Variants in ALPL observed in about 807,000 individuals in gnomAD.
ALPL encodes alkaline phosphatase, tissue-nonspecific isozyme.
ALPL carries 42 observed loss-of-function variants against 51.3 expected under a neutral mutation model. The ratio of observed to expected loss-of-function variants is 0.82; its 90% CI spans 0.64 to 1.06. ALPL has a LOEUF of 1.06. Among genes scored for constraint, ALPL ranks in the 50% least tolerant of loss-of-function variants. ALPL has a pLI of 0.00. For synonymous variants in ALPL, 279 were observed against 296.4 expected (o/e 0.94, Z 0.60); for missense variants, 589 against 709.4 (o/e 0.83, Z 1.93).
chr1:21,527,043 C>CTTTTCTTTTCT (rs760115642), intron 1 of ALPL, among the ~76,000 whole-genome samples: 1 of 135,590 alleles, frequency 7.4e-6, no homozygotes, highest in Admixed American at 7.8e-5. Context: ...CTTTTCTTTT[C>CTTTTCTTTTCT]TTTCTTGAGA....
In ALPL at chr1:21,554,003, C is replaced by T; in HGVS notation, c.-79C>T. 1 of 1,149,262 alleles carries T rather than the reference C, an allele frequency of 8.7e-7. No individual in the cohort carries two copies. Among genetic ancestry groups the T allele is most frequent in the Admixed American group, 1.7e-5 (1 of 59,314 alleles). 71.2% of individuals were successfully genotyped at this position (1,149,262 alleles called of 1,614,324 possible). Reference sequence around the variant, plus strand: ...GATTGGAACATCAGTTAACATCTGACCACTGCCAGCCCACCCCCTCCCACC... The same window carrying T: ...GATTGGAACATCAGTTAACATCTGATCACTGCCAGCCCACCCCCTCCCACC... On this transcript the variant is annotated 5_prime_UTR_variant, in exon 2 of 12. Coordinates refer to ENST00000374840, the MANE Select transcript of ALPL (RefSeq NM_000478.6).
At chr1:21,539,902 C>T (rs1277037104) in intron 1 of ALPL, among the ~76,000 whole-genome samples, 1 of 152,174 alleles carries the variant, frequency 6.6e-6, no homozygotes, top group African/African-American at 2.4e-5. Context: ...GTGATCTGCC[C>T]ACCTCTGCCT....
At chr1:21,538,312 T>A (rs1644136561) in intron 1 of ALPL, among the ~76,000 whole-genome samples, 1 of 152,156 alleles carries the variant, frequency 6.6e-6, no homozygotes, top group Non-Finnish European at 1.5e-5. Context: ...AGCCCTGCCC[T>A]ACTATGTCCC....
In ALPL at chr1:21,538,484, C is replaced by T. The variant is rs543225483; in HGVS notation, c.-104-15494C>T. Among the ~76,000 whole-genome samples the T allele has an allele frequency of 2.6e-5, 4 of 152,328 alleles. No individual in the cohort carries two copies. The East Asian group carries it at 7.7e-4, about 29-fold the overall frequency. On this transcript the variant is annotated intron_variant, in intron 1 of 11. Coordinates refer to ENST00000374840, the MANE Select transcript of ALPL (RefSeq NM_000478.6). The stretch of plus-strand genomic sequence containing the variant: ...TTCCTCCTCTGATCTGAGCCCTCTG[C>T]GCCCGCCACCCAGGGATTCGGCTTG...
chr1:21,570,935 T>C (rs934468527), intron 8 of ALPL, among the ~76,000 whole-genome samples: 4 of 152,234 alleles, frequency 2.6e-5, no homozygotes, highest in African/African-American at 9.6e-5. Flanking sequence ...AAGCAAGTGG[T>C]GGCAAAATCT....
intron 1 of ALPL, among the ~76,000 whole-genome samples, chr1:21,512,769 A>G (rs543047419): frequency 1.3e-5 from 2 of 151,812 alleles, no homozygotes; most frequent in Non-Finnish European, 2.9e-5. Flanking sequence ...TCCCAGAAAA[A>G]CTCTATGCTT....
At chr1:21,517,071 A>C (rs1351429627) in intron 1 of ALPL, among the ~76,000 whole-genome samples, 1 of 152,226 alleles carries the variant, frequency 6.6e-6, no homozygotes, top group Non-Finnish European at 1.5e-5. Context: ...TGACTATCTC[A>C]TGTCAATTTC....
chr1:21,511,131 A>G (rs1322321059), intron 1 of ALPL, among the ~76,000 whole-genome samples: 1 of 152,260 alleles, frequency 6.6e-6, no homozygotes, highest in Admixed American at 6.5e-5. Flanking sequence ...GGAATGCCAC[A>G]GTAAATCAGC....
At chr1:21,512,663 A>G (rs1207800446) in intron 1 of ALPL, among the ~76,000 whole-genome samples, 2 of 152,068 alleles carry the variant, frequency 1.3e-5, no homozygotes, top group African/African-American at 2.4e-5. Flanking sequence ...CCCCAACATC[A>G]AGATATGATG....
intron 1 of ALPL, among the ~76,000 whole-genome samples, chr1:21,552,407 G>T (rs533223401): frequency 3.3e-5 from 5 of 150,656 alleles, no homozygotes; most frequent in Admixed American, 1.3e-4. Flanking sequence ...TGAACCCGGG[G>T]GGCGGAGGTT....
intron 1 of ALPL, among the ~76,000 whole-genome samples, chr1:21,537,570 C>A (rs11586977): frequency 0.1 from 15,768 of 152,242 alleles, 1,109 homozygotes; most frequent in African/African-American, 0.2. Flanking sequence ...CCACCCCCCC[C>A]ACCGCCATCC....
chr1:21,514,027 G>A (rs1196685227), intron 1 of ALPL, among the ~76,000 whole-genome samples: 1 of 152,218 alleles, frequency 6.6e-6, no homozygotes, highest in Non-Finnish European at 1.5e-5. Flanking sequence ...GAATGATTGT[G>A]TGGGGCTTGG....
chr1:21,528,349 T>A (rs1388617966), intron 1 of ALPL, among the ~76,000 whole-genome samples: 4 of 144,890 alleles, frequency 2.8e-5, no homozygotes, highest in Non-Finnish European at 4.5e-5. Flanking sequence ...TCAGTTTTTT[T>A]TTTTTTTTTT....
At chr1:21,516,854 A>G (rs1643810491) in intron 1 of ALPL, among the ~76,000 whole-genome samples, 1 of 152,098 alleles carries the variant, frequency 6.6e-6, no homozygotes, top group Admixed American at 6.5e-5. Flanking sequence ...CCATGACCTA[A>G]TCCTTATACA....
chr1:21,519,950 G>A (rs921480047), intron 1 of ALPL, among the ~76,000 whole-genome samples: 2 of 152,176 alleles, frequency 1.3e-5, no homozygotes, highest in Non-Finnish European at 2.9e-5. Flanking sequence ...CCTGAGGTCA[G>A]TGCTGGGAAC....
At position 21,564,467 on chromosome 1, in the gene ALPL, T is replaced by C. The variant is rs1644535576; in HGVS notation, c.648+251T>C. Among the ~76,000 whole-genome samples, 1 of 152,274 alleles carries C rather than the reference T, an allele frequency of 6.6e-6. No individual in the cohort carries two copies. Among genetic ancestry groups the C allele is most frequent in the South Asian group, 2.1e-4 (1 of 4,832 alleles). ...CAAGAACCAGGCATCCAGGGATGAT[T>C]CCATAAATTGAAACCTGGTGCTGTG... On this transcript the variant is annotated intron_variant, in intron 6 of 11. Coordinates refer to ENST00000374840, the MANE Select transcript of ALPL (RefSeq NM_000478.6). This position sits in a 1 kb window ranked among gnomAD's most constrained non-coding sequence, Gnocchi z 5.8.
intron 7 of ALPL, among the ~76,000 whole-genome samples, chr1:21,570,087 T>A (rs968430109): frequency 3.9e-5 from 6 of 152,216 alleles, no homozygotes; most frequent in African/African-American, 1.4e-4. Context: ...GCTCACGGCC[T>A]CCCTGGGCTC....
chr1:21,518,483 A>G (rs1643842916), intron 1 of ALPL, among the ~76,000 whole-genome samples: 1 of 152,134 alleles, frequency 6.6e-6, no homozygotes, highest in South Asian at 2.1e-4. Flanking sequence ...CATATCTGTC[A>G]AACCCCGAAT....
At chr1:21,573,190 T>TGGG (rs1558555092) in intron 8 of ALPL, among the ~76,000 whole-genome samples, 10 of 152,270 alleles carry the variant, frequency 6.6e-5, no homozygotes, top group African/African-American at 1.9e-4. Flanking sequence ...TCCCAACACT[T>TGGG]TGGGAGGCCG....
Sources: allele counts gnomAD v4.1 joint callset (sites outside exome capture counted in the v4.1 genomes callset), GRCh38; gene constraint gnomAD v4.1.1; non-coding constraint Gnocchi (gnomAD v3.1); transcripts MANE v1.5; gene names NCBI Gene and HGNC (gene_info 2026-07-23, HGNC 2026-07-21).